The following PARD3B variants were observed in gnomAD, a reference collection of about 807,000 sequenced individuals.
PARD3B encodes the protein partitioning defective 3 homolog B.
PARD3B carries 103 observed loss-of-function variants against 130.2 expected under a neutral mutation model. The ratio of observed to expected loss-of-function variants is 0.79; its 90% CI spans 0.67 to 0.93. The LOEUF (loss-of-function observed/expected upper bound fraction) is 0.93, where lower values mean the gene tolerates loss of function less well. Among genes scored for constraint, PARD3B ranks in the 40% least tolerant of loss-of-function variants. The pLI, the probability that PARD3B is intolerant of heterozygous loss-of-function variation, is 0.00. For synonymous variants in PARD3B, 583 were observed against 553.2 expected (o/e 1.05, Z -0.76); for missense variants, 1,609 against 1,499.2 (o/e 1.07, Z -1.21).
intron 2 of PARD3B, among the ~76,000 whole-genome samples, chr2:204,947,423 T>C (rs1238141265): frequency 3.9e-5 from 6 of 152,154 alleles, no homozygotes; most frequent in Non-Finnish European, 7.4e-5. Flanking sequence ...TAAATAATTT[T>C]AGGAGCTAAG....
intron 2 of PARD3B, among the ~76,000 whole-genome samples, chr2:204,746,423 A>G (rs1483833161): frequency 2.6e-5 from 4 of 151,914 alleles, no homozygotes; most frequent in Non-Finnish European, 5.9e-5. Flanking sequence ...GCTATTGTGA[A>G]TAGTGCCGCA....
intron 2 of PARD3B, among the ~76,000 whole-genome samples, chr2:204,880,436 C>T (rs190994094): frequency 2.1e-3 from 326 of 151,908 alleles, no homozygotes; most frequent in African/African-American, 7.2e-3. Flanking sequence ...CCGAGGTGGG[C>T]GGATCACGAG....
At position 205,248,418 on chromosome 2, in the gene PARD3B, G is replaced by GGCA. The variant is rs1370703012; in HGVS notation, c.2185+2610_2185+2612dup. Among the ~76,000 whole-genome samples the GGCA allele has an allele frequency of 4.5e-3, 683 of 150,716 alleles. 5 individuals carry two copies. Among genetic ancestry groups the GGCA allele is most frequent in the African/African-American group, 0.016 (646 of 40,646 alleles). On this transcript the variant is annotated intron_variant, in intron 16 of 22. Coordinates refer to ENST00000406610, the MANE Select transcript of PARD3B (RefSeq NM_001302769.2). ...TGGTGGTGGTGGTGGTGGTGGTGGC[G>GGCA]GCAGCAGCAGCAGCAGAGGGTTAAG...
chr2:204,637,134 A>C (rs557881232), intron 1 of PARD3B, among the ~76,000 whole-genome samples: 2 of 152,084 alleles, frequency 1.3e-5, no homozygotes, highest in East Asian at 1.9e-4. Context: ...TCTGGAGTAC[A>C]TTTTTGGTTT....
chr2:204,956,608 C>G (rs1304425802), intron 2 of PARD3B, among the ~76,000 whole-genome samples: 1 of 151,798 alleles, frequency 6.6e-6, no homozygotes, highest in African/African-American at 2.4e-5. Context: ...CCAAGATAGT[C>G]AAAGCCCTTG....
intron 18 of PARD3B, among the ~76,000 whole-genome samples, chr2:205,370,341 T>G (rs1426310454): frequency 6.6e-6 from 1 of 152,158 alleles, no homozygotes; most frequent in Non-Finnish European, 1.5e-5. Flanking sequence ...CATATTTAAG[T>G]ATTAACAGAA....
At chr2:205,017,571 C>T (rs1192480848) in intron 3 of PARD3B, among the ~76,000 whole-genome samples, 1 of 152,138 alleles carries the variant, frequency 6.6e-6, no homozygotes, top group Admixed American at 6.6e-5. Context: ...AGAACATCTG[C>T]CCAGCCTGGA....
At chr2:205,017,180 T>C (rs1005305151) in intron 3 of PARD3B, among the ~76,000 whole-genome samples, 5 of 152,062 alleles carry the variant, frequency 3.3e-5, no homozygotes, top group Non-Finnish European at 5.9e-5. Flanking sequence ...GTGTCTGGCC[T>C]GTAGATATGT....
At chr2:205,031,856 A>T (rs1485636842) in intron 3 of PARD3B, among the ~76,000 whole-genome samples, 2 of 152,100 alleles carry the variant, frequency 1.3e-5, no homozygotes, top group East Asian at 3.9e-4. Context: ...TCTCGTTCTG[A>T]TAATCCCTTA....
chr2:204,783,778 T>G (rs1375528666), intron 2 of PARD3B, among the ~76,000 whole-genome samples: 1 of 152,234 alleles, frequency 6.6e-6, no homozygotes, highest in South Asian at 2.1e-4. Context: ...GCAGCCTGGC[T>G]TCAGGGTCCA....
At chr2:204,714,766 A>G (rs2038640688) in intron 2 of PARD3B, among the ~76,000 whole-genome samples, 1 of 152,216 alleles carries the variant, frequency 6.6e-6, no homozygotes, top group Admixed American at 6.5e-5. Flanking sequence ...ATAATTTACA[A>G]ACACACCCAG....
chr2:205,318,394 A>G (rs1559655428), intron 18 of PARD3B, among the ~76,000 whole-genome samples: 1 of 152,108 alleles, frequency 6.6e-6, no homozygotes, highest in Admixed American at 6.5e-5. Context: ...TCCCCTCCCT[A>G]GCTCTGTCAT....
Position 205,105,769 on chromosome 2 carries a change from C to G in PARD3B, c.593+1255C>G, listed in dbSNP as rs1315485913. 6.6e-6 allele frequency among the ~76,000 whole-genome samples: 1 copy of G among 151,228 alleles called. No homozygotes were observed. The highest frequency in any genetic ancestry group is 2.4e-5 in the African/African-American group (1 of 41,172). On this transcript the variant is annotated intron_variant, in intron 5 of 22. Transcript: ENST00000406610. The surrounding 1 kb of genome is among the most constrained non-coding windows in gnomAD (Gnocchi z 4.0). The stretch of plus-strand genomic sequence containing the variant: ...CTTGCAACATAGGGAGACCCTCTCT[C>G]TCTCTGAAGAAAAAAAAAAGGCGGG...
chr2:205,344,261 C>T (rs954815846), intron 18 of PARD3B, among the ~76,000 whole-genome samples: 5 of 149,476 alleles, frequency 3.3e-5, no homozygotes, highest in African/African-American at 1.2e-4. Context: ...GACCAAAAGC[C>T]GTGGAACTGT....
chr2:204,823,793 A>T (rs1287643753), intron 2 of PARD3B, among the ~76,000 whole-genome samples: 1 of 152,066 alleles, frequency 6.6e-6, no homozygotes, highest in East Asian at 1.9e-4. Flanking sequence ...TACAAAAATT[A>T]TTCAGGCATG....
Position 205,351,676 on chromosome 2 carries a change from G to A in PARD3B, c.2631-49337G>A, listed in dbSNP as rs1020075068. Among the ~76,000 whole-genome samples the A allele has an allele frequency of 3.9e-5, 6 of 152,168 alleles. No homozygotes were observed. The highest frequency in any genetic ancestry group is 8.8e-5 in the Non-Finnish European group (6 of 68,032). The stretch of plus-strand genomic sequence containing the variant: ...AATTGGAGGCAGTTATTTCATTTCC[G>A]GTGATGTTTTCTGATTCTCTATATG... On this transcript the variant is annotated intron_variant, in intron 18 of 22. Coordinates refer to ENST00000406610, the MANE Select transcript of PARD3B (RefSeq NM_001302769.2). This position sits in a 1 kb window ranked among gnomAD's most constrained non-coding sequence, Gnocchi z 4.2.
intron 2 of PARD3B, among the ~76,000 whole-genome samples, chr2:204,704,338 C>G (rs1382397691): frequency 6.6e-6 from 1 of 152,118 alleles, no homozygotes; most frequent in African/African-American, 2.4e-5. Context: ...AACTGTAGCT[C>G]TTGTTACTTC....
Position 205,301,760 on chromosome 2 carries a change from C to G in PARD3B, c.2630+59C>G, listed in dbSNP as rs1218890554. On this transcript the variant is annotated intron_variant, in intron 18 of 22. Transcript: ENST00000406610. The surrounding 1 kb of genome is among the most constrained non-coding windows in gnomAD (Gnocchi z 5.2). ...CATTTTGTCTCTCCTGGTAAAATCACTCCTTTGTCTGTACTCAGAAAAAAG... is the reference window on the plus strand; with the variant it reads ...CATTTTGTCTCTCCTGGTAAAATCAGTCCTTTGTCTGTACTCAGAAAAAAG... 6.2e-7 allele frequency: 1 copy of G among 1,613,986 alleles called. No individual in the cohort carries two copies. Among genetic ancestry groups the G allele is most frequent in the African/African-American group, 1.3e-5 (1 of 75,050 alleles).
intron 3 of PARD3B, among the ~76,000 whole-genome samples, chr2:205,028,774 T>C (rs529202030): frequency 2.6e-4 from 39 of 152,230 alleles, no homozygotes; most frequent in African/African-American, 9.1e-4. Flanking sequence ...TAGAAAACCC[T>C]AAGGAAAACC....
Sources: gnomAD v4.1 joint callset for allele counts (sites outside exome capture counted in the v4.1 genomes callset) on GRCh38, gnomAD v4.1.1 for gene constraint, Gnocchi (gnomAD v3.1) non-coding constraint, MANE v1.5 for transcripts, NCBI Gene and HGNC (gene_info 2026-07-23, HGNC 2026-07-21) for gene names.